EWSR1: variants seen among roughly 807,000 people sequenced by gnomAD.
The protein encoded by EWSR1 is RNA-binding protein EWS.
A neutral mutation model predicts 92.1 loss-of-function variants in EWSR1; 14 were observed. The ratio of observed to expected loss-of-function variants is 0.15; its 90% CI spans 0.10 to 0.24. The LOEUF is 0.24. Among genes scored for constraint, EWSR1 ranks in the 10% least tolerant of loss-of-function variants. EWSR1 has a pLI of 1.00. For missense variants in EWSR1, 637 were observed against 870.9 expected (o/e 0.73, Z 3.38); for synonymous variants, 303 against 292.9 (o/e 1.03, Z -0.35).
At chr22:29,296,974 G>A (rs189733380) in intron 12 of EWSR1, among the ~76,000 whole-genome samples, 11 of 152,260 alleles carry the variant, frequency 7.2e-5, no homozygotes, top group African/African-American at 2.4e-4. Context: ...ACTTGAGCCC[G>A]GAGAGTTTGA....
At chr22:29,299,383 TTTC>T (rs1463166063) in intron 15 of EWSR1, 52 bp downstream of exon 15, 5 of 1,573,570 alleles carry the variant, frequency 3.2e-6, no homozygotes, top group African/African-American at 2.7e-5. Context: ...CTAAACCTCT[TTTC>T]TTATTTGTGG....
chr22:29,277,456 C>G (rs888137032), intron 4 of EWSR1: 1 of 225,164 alleles, frequency 4.4e-6, no homozygotes, highest in African/African-American at 2.2e-5. Flanking sequence ...ATCATGTGCT[C>G]AAGTAATTAA....
At chr22:29,271,256 A>G (rs1949516262) in intron 1 of EWSR1, among the ~76,000 whole-genome samples, 1 of 152,226 alleles carries the variant, frequency 6.6e-6, no homozygotes, top group Non-Finnish European at 1.5e-5. Flanking sequence ...ATTTTCAAAA[A>G]TAATTACTTT....
chr22:29,268,662 G>A (rs987157466), intron 1 of EWSR1, among the ~76,000 whole-genome samples: 5 of 152,210 alleles, frequency 3.3e-5, no homozygotes, highest in Non-Finnish European at 7.4e-5. Context: ...ACGTGGGCGG[G>A]GCCTGCGGCC....
chr22:29,273,527 T>C (rs1319974566), intron 3 of EWSR1, among the ~76,000 whole-genome samples: 1 of 152,228 alleles, frequency 6.6e-6, no homozygotes, highest in East Asian at 1.9e-4. Flanking sequence ...ATGAGCTTTT[T>C]CCGTAGCTAA....
At chr22:29,298,389 C>T (rs970728715) in intron 13 of EWSR1, among the ~76,000 whole-genome samples, 8 of 151,992 alleles carry the variant, frequency 5.3e-5, no homozygotes, top group Admixed American at 2.6e-4. Context: ...GCCTGTAATC[C>T]CAGCTACTCG....
At chr22:29,270,200 C>T (rs1055757214) in intron 1 of EWSR1, among the ~76,000 whole-genome samples, 2 of 152,122 alleles carry the variant, frequency 1.3e-5, no homozygotes, top group South Asian at 2.1e-4. Flanking sequence ...AAACCGTTGC[C>T]TTGGGTTAAT....
intron 4 of EWSR1, chr22:29,276,837 A>T (rs1238203004): frequency 8.7e-6 from 2 of 231,126 alleles, no homozygotes; most frequent in African/African-American, 4.4e-5. Context: ...TTTTTTGTAG[A>T]GGCGAGGTCT....
intron 13 of EWSR1, 54 bp downstream of exon 13, chr22:29,298,003 C>A: frequency 6.5e-6 from 10 of 1,545,056 alleles, no homozygotes; most frequent in South Asian, 1.2e-5. Flanking sequence ...ACACTTCATA[C>A]CCTTGAGAAA....
intron 5 of EWSR1, among the ~76,000 whole-genome samples, chr22:29,279,219 T>TTTTA (rs2059371861): frequency 6.6e-6 from 1 of 152,196 alleles, no homozygotes. Context: ...TATCTTTGAT[T>TTTTA]TCATTGACCC....
At chr22:29,290,687 G>A (rs529835009) in intron 8 of EWSR1, 1 of 1,357,512 alleles carries the variant, frequency 7.4e-7, no homozygotes, top group Non-Finnish European at 9.5e-7. Flanking sequence ...TGTTTAAAGA[G>A]AGAGAACATT....
intron 11 of EWSR1, chr22:29,295,606 A>AATAG (rs2060796118): frequency 4.4e-6 from 1 of 225,380 alleles, no homozygotes; most frequent in East Asian, 6.5e-5. Context: ...AAGTCCTATA[A>AATAG]ATAGATTGCT....
intron 5 of EWSR1, among the ~76,000 whole-genome samples, chr22:29,281,550 C>T (rs1237722766): frequency 2.0e-5 from 3 of 152,120 alleles, no homozygotes; most frequent in East Asian, 3.8e-4. Flanking sequence ...AACCATCCTC[C>T]TGCCTCAGCC....
At chr22:29,296,094 C>T (rs2060838042) in intron 11 of EWSR1, 145 bp from the exon 12 acceptor site, 1 of 832,108 alleles carries the variant, frequency 1.2e-6, no homozygotes, top group South Asian at 1.9e-5. Context: ...ACTTAGAATT[C>T]TGAAAAACTT....
intron 8 of EWSR1, chr22:29,289,656 T>TA (rs1424848568): frequency 4.3e-6 from 1 of 232,486 alleles, no homozygotes; most frequent in African/African-American, 2.2e-5. Context: ...TGCAGAATGT[T>TA]AGATATTTAC....
intron 6 of EWSR1, among the ~76,000 whole-genome samples, chr22:29,286,686 C>CA (rs373796997): frequency 6.3e-4 from 48 of 76,340 alleles, no homozygotes; most frequent in Admixed American, 1.0e-3. Context: ...CACTCTGTCT[C>CA]AAAAAAAAAA....
At chr22:29,274,134 G>C in intron 4 of EWSR1, 1 of 1,035,024 alleles carries the variant, frequency 9.7e-7, no homozygotes, top group Admixed American at 2.0e-5. Context: ...CTATGTAAAA[G>C]ATTTTGCTAA....
At chr22:29,298,986 G>GAGGAAC in intron 14 of EWSR1, 91 bp downstream of exon 14, 6 of 1,424,818 alleles carry the variant, frequency 4.2e-6, no homozygotes, top group Non-Finnish European at 5.7e-6. Flanking sequence ...GCTCTGTCTA[G>GAGGAAC]AGGAACAGAA....
intron 4 of EWSR1, among the ~76,000 whole-genome samples, 161 bp downstream of exon 4, chr22:29,274,025 T>A (rs1159291346): frequency 6.6e-6 from 1 of 152,216 alleles, no homozygotes; most frequent in Non-Finnish European, 1.5e-5. Flanking sequence ...TTCCCTACTC[T>A]TATAGTCTTG....
Sources: gnomAD v4.1 joint callset for allele counts (sites outside exome capture counted in the v4.1 genomes callset) on GRCh38, gnomAD v4.1.1 for gene constraint, MANE v1.5 for transcripts, NCBI Gene and HGNC (gene_info 2026-07-23, HGNC 2026-07-21) for gene names.